CPVL: variants seen among roughly 807,000 people sequenced by gnomAD.
The protein encoded by CPVL is carboxypeptidase vitellogenic like.
Under a neutral mutation model 63.7 loss-of-function variants are expected in CPVL, and 51 were observed. That is an observed-to-expected ratio of 0.80 (90% confidence interval 0.64 to 1.01). The LOEUF (loss-of-function observed/expected upper bound fraction) is 1.01. Among genes scored for constraint, CPVL ranks in the 50% least tolerant of loss-of-function variants. The pLI, the probability that CPVL is intolerant of heterozygous loss-of-function variation, is 0.00. For missense variants in CPVL, 530 were observed against 573.1 expected (o/e 0.92, Z 0.77); for synonymous variants, 195 against 206.0 (o/e 0.95, Z 0.46).
At chr7:29,098,861 G>A (rs994919378) in intron 3 of CPVL, among the ~76,000 whole-genome samples, 3 of 152,172 alleles carry the variant, frequency 2.0e-5, no homozygotes, top group African/African-American at 7.2e-5. Flanking sequence ...TCAAGAGTTC[G>A]AGACCAGCCT....
chr7:29,089,282 G>A (rs1158210523), intron 6 of CPVL, among the ~76,000 whole-genome samples: 1 of 152,148 alleles, frequency 6.6e-6, no homozygotes, highest in East Asian at 1.9e-4. Flanking sequence ...AAAGGTGAGT[G>A]GACATGATCA....
chr7:29,124,549 A>G (rs531828448), intron 1 of CPVL, among the ~76,000 whole-genome samples: 1 of 152,264 alleles, frequency 6.6e-6, no homozygotes, highest in African/African-American at 2.4e-5. Context: ...GATTTTTGAT[A>G]TGGAACAAAG....
intron 3 of CPVL, among the ~76,000 whole-genome samples, chr7:29,097,268 T>C (rs1320791975): frequency 6.6e-6 from 1 of 152,244 alleles, no homozygotes; most frequent in Non-Finnish European, 1.5e-5. Flanking sequence ...TTTCATTCAA[T>C]GTGTATTTAT....
intron 2 of CPVL, among the ~76,000 whole-genome samples, chr7:29,114,636 AAAAC>A (rs1788590047): frequency 6.6e-6 from 1 of 152,078 alleles, no homozygotes. Context: ...TCTCAAAAAA[AAAAC>A]ATATATATAG....
intron 6 of CPVL, among the ~76,000 whole-genome samples, chr7:29,087,647 G>T (rs1028315660): frequency 1.2e-4 from 18 of 152,308 alleles, no homozygotes; most frequent in Middle Eastern, 3.4e-3. Flanking sequence ...GCTAGGGGAG[G>T]TTGTTGGCCC....
intron 1 of CPVL, chr7:29,194,832 G>A (rs1562820760): frequency 3.9e-6 from 4 of 1,016,940 alleles, no homozygotes; most frequent in East Asian, 6.7e-5. Context: ...GCGTCCCCAG[G>A]ACTTTGCCAT....
chr7:29,066,037 AG>A lies in CPVL; in HGVS notation c.948del (p.Leu318CysfsTer13). ...QNVTGCSNYYNFLRCTEPEDQ... is the reference protein window; with the variant it reads ...QNVTGCSNYYXFLRCTEPEDQ... Reference sequence around the variant, plus strand: ...AATGTCATTACCGTGCACCGCAAAAAGTTATAGTAATTACTACATCCTGTAA... The same window carrying A: ...AATGTCATTACCGTGCACCGCAAAAATTATAGTAATTACTACATCCTGTAA... On this transcript the variant is annotated frameshift_variant, in exon 10 of 13. Coordinates refer to ENST00000265394, the MANE Select transcript of CPVL (RefSeq NM_031311.5). LOFTEE classifies it high-confidence loss of function. 1 of 1,596,466 alleles carries A rather than the reference AG, an allele frequency of 6.3e-7. No homozygotes were observed. Among genetic ancestry groups the A allele is most frequent in the Non-Finnish European group, 8.6e-7 (1 of 1,169,206 alleles).
chr7:29,141,177 C>T (rs985484851), intron 1 of CPVL, among the ~76,000 whole-genome samples: 14 of 152,206 alleles, frequency 9.2e-5, no homozygotes, highest in African/African-American at 2.2e-4. Flanking sequence ...CATGTGCAAA[C>T]GCCTAACACA....
chr7:29,030,553 G>A (rs1208196554), intron 12 of CPVL, 24 bp downstream of exon 12: 1 of 1,599,106 alleles, frequency 6.3e-7, no homozygotes, highest in African/African-American at 1.3e-5. Flanking sequence ...CCCACAACCT[G>A]CCTGCTCCCA....
chr7:29,169,555 G>A (rs74916053), intron 5 of CPVL, among the ~76,000 whole-genome samples: 3,514 of 152,256 alleles, frequency 0.023, 148 homozygotes, highest in African/African-American at 0.077. Flanking sequence ...GGGAGATTAA[G>A]TAGCTGACGG....
chr7:29,160,762 TG>T (rs1163889487), intron 5 of CPVL, among the ~76,000 whole-genome samples: 2 of 152,228 alleles, frequency 1.3e-5, no homozygotes, highest in Non-Finnish European at 2.9e-5. Context: ...TAAAAGAGCC[TG>T]GGCTCTTAAT....
intron 7 of CPVL, among the ~76,000 whole-genome samples, chr7:29,075,744 CT>C (rs11298240): frequency 0.61 from 90,570 of 147,460 alleles, 27,704 homozygotes; most frequent in Admixed American, 0.67. Context: ...ATGATCTTAG[CT>C]TTTTTTTTTT....
chr7:29,042,603 T>TAAAAC (rs1220281413), intron 11 of CPVL, among the ~76,000 whole-genome samples: 2 of 151,988 alleles, frequency 1.3e-5, no homozygotes, highest in Non-Finnish European at 2.9e-5. Context: ...ACCCTGTCTC[T>TAAAAC]AAAACAAAAC....
intron 2 of CPVL, 65 bp downstream of exon 2, chr7:29,120,818 CAAAAAAAAAA>C (rs375039373): frequency 0.074 from 73,432 of 990,318 alleles, 2,249 homozygotes; most frequent in Admixed American, 0.13. Context: ...GACTTCGTCT[CAAAAAAAAAA>C]AAAAAAAAAA....
intron 11 of CPVL, among the ~76,000 whole-genome samples, chr7:29,063,546 G>C (rs1782832680): frequency 6.6e-6 from 1 of 152,034 alleles, no homozygotes; most frequent in African/African-American, 2.4e-5. Context: ...GGAATAATCA[G>C]GGGAAAGTGG....
chr7:29,015,471 C>A (rs909095091), intron 12 of CPVL, among the ~76,000 whole-genome samples: 2 of 152,124 alleles, frequency 1.3e-5, no homozygotes, highest in East Asian at 1.9e-4. Context: ...TGAGTTCTCA[C>A]GAGATCTTGT....
At chr7:29,007,752 A>AACAC (rs70977090) in intron 12 of CPVL, among the ~76,000 whole-genome samples, 2,169 of 150,006 alleles carry the variant, frequency 0.014, 35 homozygotes, top group African/African-American at 0.034. Flanking sequence ...GTAGTATTAA[A>AACAC]ACACACACAC....
chr7:29,002,836 T>G (rs1784776568), intron 12 of CPVL, among the ~76,000 whole-genome samples: 2 of 131,878 alleles, frequency 1.5e-5, no homozygotes, highest in South Asian at 4.7e-4. Context: ...ATATCCAGAC[T>G]GAAGCATGGA....
intron 5 of CPVL, among the ~76,000 whole-genome samples, chr7:29,170,485 G>C (rs943897130): frequency 5.9e-5 from 9 of 152,056 alleles, no homozygotes; most frequent in African/African-American, 1.9e-4. Context: ...TTCTCCAATT[G>C]TTCATCTGGG....
Sources: gnomAD v4.1 joint callset for allele counts (sites outside exome capture counted in the v4.1 genomes callset) on GRCh38, gnomAD v4.1.1 for gene constraint, MANE v1.5 for transcripts, NCBI Gene and HGNC (gene_info 2026-07-23, HGNC 2026-07-21) for gene names.